The following KCMF1 variants were observed in gnomAD, a reference collection of about 807,000 sequenced individuals.
KCMF1 encodes potassium channel modulatory factor 1, also known as E3 ubiquitin-protein ligase KCMF1.
A neutral mutation model predicts 41.1 loss-of-function variants in KCMF1; 3 were observed. The observed-to-expected ratio is 0.07, with a 90% CI of 0.03 to 0.19. The LOEUF (loss-of-function observed/expected upper bound fraction) is 0.19, where lower values mean the gene tolerates loss of function less well. Among genes scored for constraint, KCMF1 ranks in the 10% least tolerant of loss-of-function variants. The pLI is 1.00. For synonymous variants in KCMF1, 142 were observed against 164.5 expected (o/e 0.86, Z 1.04); for missense variants, 286 against 488.9 (o/e 0.58, Z 3.91).
At chr2:85,026,459 TTTATTATTATTATTA>T (rs35093562) in intron 1 of KCMF1, among the ~76,000 whole-genome samples, 3 of 139,346 alleles carry the variant, frequency 2.2e-5, no homozygotes, top group South Asian at 2.3e-4. Context: ...CTTTCTTTCC[TTTATTATTATTATTA>T]TTATTATTAT....
chr2:84,984,236 G>GA (rs1160918504), intron 1 of KCMF1, among the ~76,000 whole-genome samples: 3 of 151,682 alleles, frequency 2.0e-5, no homozygotes, highest in Non-Finnish European at 4.4e-5. Flanking sequence ...AAGTTTCTTT[G>GA]AAAAAATAAG....
chr2:85,033,807 T>C (rs572156055), intron 2 of KCMF1, among the ~76,000 whole-genome samples: 8 of 152,188 alleles, frequency 5.3e-5, no homozygotes, highest in African/African-American at 9.6e-5. Flanking sequence ...AAAAGACTTA[T>C]TCCTTCAGAT....
intron 1 of KCMF1, among the ~76,000 whole-genome samples, chr2:85,007,657 C>G (rs750414911): frequency 2.6e-5 from 4 of 152,156 alleles, no homozygotes; most frequent in Non-Finnish European, 5.9e-5. Context: ...AGATAAGATA[C>G]GGGGACTGGG....
At chr2:85,032,238 C>T (rs1269154653) in intron 2 of KCMF1, among the ~76,000 whole-genome samples, 1 of 152,164 alleles carries the variant, frequency 6.6e-6, no homozygotes, top group Non-Finnish European at 1.5e-5. Context: ...GTGGTGCAGT[C>T]TCGGCTCACT....
In KCMF1 at chr2:85,053,575, C is replaced by G. The variant is rs1675858325; in HGVS notation, c.*166C>G. Reference sequence around the variant, plus strand: ...AAAATATATATGATAATCATTTCCACTTAACTAATTTTTACTTCTAGCAGG... The same window carrying G: ...AAAATATATATGATAATCATTTCCAGTTAACTAATTTTTACTTCTAGCAGG... On this transcript the variant is annotated 3_prime_UTR_variant, in exon 7 of 7. Transcript: ENST00000409785. The G allele has an allele frequency of 7.6e-6, 6 of 787,682 alleles. No homozygotes were observed. The South Asian group carries it at 1.2e-4, about 15-fold the overall frequency. 48.8% of individuals were successfully genotyped at this position (787,682 alleles called of 1,614,324 possible).
rs562853012 is a variant in KCMF1, at chr2:85,029,721, G to A, written c.184+1665G>A. On this transcript the variant is annotated intron_variant, in intron 2 of 6. Coordinates refer to ENST00000409785, the MANE Select transcript of KCMF1 (RefSeq NM_020122.5). ...TTGAGACAAGAGTTTCACTCTTGTC[G>A]CCTAGGCTGGAGTGCAATGGCGCCA... Among the ~76,000 whole-genome samples the A allele has an allele frequency of 1.3e-3, 164 of 128,372 alleles. 2 individuals are homozygous for A. Among genetic ancestry groups the A allele is most frequent in the African/African-American group, 3.9e-3 (128 of 33,126 alleles). 84.2% of individuals were successfully genotyped at this position (128,372 alleles called of 152,430 possible). A position where few individuals can be genotyped will look rare whatever the true frequency, so the allele number is the denominator to read the frequency against.
intron 1 of KCMF1, among the ~76,000 whole-genome samples, chr2:84,984,776 C>T (rs1009316979): frequency 1.3e-5 from 2 of 152,092 alleles, no homozygotes; most frequent in South Asian, 2.1e-4. Flanking sequence ...GCCAAGATTG[C>T]GCCATTGCAC....
chr2:85,024,575 AGAGAGAGAGTGT>A (rs1050135493), intron 1 of KCMF1, among the ~76,000 whole-genome samples: 8 of 143,652 alleles, frequency 5.6e-5, no homozygotes, highest in African/African-American at 1.5e-4. Flanking sequence ...AGAGAGAGAG[AGAGAGAGAGTGT>A]GTGTGTGTGT....
At chr2:85,008,721 G>A (rs528186764) in intron 1 of KCMF1, among the ~76,000 whole-genome samples, 2 of 151,396 alleles carry the variant, frequency 1.3e-5, no homozygotes, top group African/African-American at 4.8e-5. Flanking sequence ...GTTTTCAGTC[G>A]CTCACTGGAA....
At chr2:85,026,944 T>G (rs1675122837) in intron 1 of KCMF1, among the ~76,000 whole-genome samples, 1 of 152,220 alleles carries the variant, frequency 6.6e-6, no homozygotes, top group Non-Finnish European at 1.5e-5. Flanking sequence ...GATGTTTATA[T>G]ATGCCAGATG....
intron 1 of KCMF1, among the ~76,000 whole-genome samples, chr2:85,021,114 T>C (rs1674924355): frequency 6.6e-6 from 1 of 152,182 alleles, no homozygotes; most frequent in Non-Finnish European, 1.5e-5. Flanking sequence ...CATTGCTGTA[T>C]CCTCAGCACC....
intron 2 of KCMF1, among the ~76,000 whole-genome samples, chr2:85,030,130 C>T (rs1006097544): frequency 6.6e-6 from 1 of 151,986 alleles, no homozygotes; most frequent in Admixed American, 6.6e-5. Flanking sequence ...TGCTTATGGG[C>T]CATTTGTATA....
chr2:85,053,051 C>T (rs1675845012), intron 6 of KCMF1, 97 bp from the exon 7 acceptor site: 3 of 1,107,864 alleles, frequency 2.7e-6, no homozygotes, highest in Non-Finnish European at 3.8e-6. Flanking sequence ...AATTTTGCCA[C>T]CTGTAAAACT....
chr2:85,040,095 C>T (rs1437088167), intron 3 of KCMF1, among the ~76,000 whole-genome samples: 1 of 152,126 alleles, frequency 6.6e-6, no homozygotes, highest in African/African-American at 2.4e-5. Flanking sequence ...CGATTGTAGG[C>T]GTGAGCCACT....
At chr2:85,032,521 C>A (rs568363612) in intron 2 of KCMF1, among the ~76,000 whole-genome samples, 1 of 152,032 alleles carries the variant, frequency 6.6e-6, no homozygotes, top group African/African-American at 2.4e-5. Flanking sequence ...AGACTACAGG[C>A]GTGCACCACC....
At chr2:84,996,545 C>T (rs754526677) in intron 1 of KCMF1, among the ~76,000 whole-genome samples, 4 of 150,388 alleles carry the variant, frequency 2.7e-5, no homozygotes, top group Admixed American at 6.7e-5. Context: ...AAGCGATTCT[C>T]CTGCCTCAGC....
Position 84,975,196 on chromosome 2 carries a change from C to T in KCMF1, c.16+3729C>T, listed in dbSNP as rs752559533. 4.6e-5 allele frequency among the ~76,000 whole-genome samples: 7 copies of T among 151,948 alleles called. 1 individual carries two copies. Among genetic ancestry groups the T allele is most frequent in the South Asian group, 4.2e-4 (2 of 4,806 alleles). ...GGTGGAGGTTGCAGTGAGCTGAGGT[C>T]GTGCCACTGCACTCCAGCCTGGGCG... On this transcript the variant is annotated intron_variant, in intron 1 of 6. Coordinates refer to ENST00000409785, the MANE Select transcript of KCMF1 (RefSeq NM_020122.5).
intron 1 of KCMF1, among the ~76,000 whole-genome samples, chr2:85,023,429 C>T (rs370373736): frequency 6.6e-6 from 1 of 151,606 alleles, no homozygotes; most frequent in African/African-American, 2.4e-5. Context: ...CGCCATTCTC[C>T]TGCCTCAGCT....
chr2:85,013,330 A>G (rs1469472413), intron 1 of KCMF1, among the ~76,000 whole-genome samples: 1 of 152,194 alleles, frequency 6.6e-6, no homozygotes, highest in Non-Finnish European at 1.5e-5. Flanking sequence ...ATGAGCTGTC[A>G]TGTGCCTTAC....
Sources: gnomAD v4.1 joint callset for allele counts (sites outside exome capture counted in the v4.1 genomes callset) on GRCh38, gnomAD v4.1.1 for gene constraint, MANE v1.5 for transcripts, NCBI Gene and HGNC (gene_info 2026-07-23, HGNC 2026-07-21) for gene names.